MGAT5: variants seen among roughly 807,000 people sequenced by gnomAD.
MGAT5 encodes alpha-1,6-mannosylglycoprotein 6-beta-N-acetylglucosaminyltransferase.
A neutral mutation model predicts 94.3 loss-of-function variants in MGAT5; 30 were observed. The ratio of observed to expected loss-of-function variants is 0.32; its 90% CI spans 0.24 to 0.43. The LOEUF is 0.43. Ranked by LOEUF, MGAT5 falls within the 20% of genes least tolerant of loss-of-function variation. MGAT5 has a pLI of 1.00. For missense variants in MGAT5, 691 were observed against 905.5 expected (o/e 0.76, Z 3.04); for synonymous variants, 310 against 322.9 (o/e 0.96, Z 0.43).
chr2:134,441,467 G>A (rs1054228383), intron 14 of MGAT5, among the ~76,000 whole-genome samples: 13 of 152,332 alleles, frequency 8.5e-5, no homozygotes, highest in South Asian at 2.1e-4. Flanking sequence ...ACGGGCAGGC[G>A]TGGTGCCAAG....
At chr2:134,282,109 A>G (rs888501890) in intron 2 of MGAT5, among the ~76,000 whole-genome samples, 1 of 152,240 alleles carries the variant, frequency 6.6e-6, no homozygotes, top group Non-Finnish European at 1.5e-5. Context: ...GGCCTCTGTC[A>G]GACATGAATG....
intron 1 of MGAT5, among the ~76,000 whole-genome samples, chr2:134,201,996 A>G (rs1679812349): frequency 1.3e-5 from 2 of 151,870 alleles, no homozygotes; most frequent in African/African-American, 4.8e-5. Flanking sequence ...GGTTGATACT[A>G]ATGAAGAGAT....
In MGAT5 at chr2:134,209,152, ATTTTTTT is replaced by A. The variant is rs869116395; in HGVS notation, c.-142-45099_-142-45093del. Among the ~76,000 whole-genome samples the A allele has an allele frequency of 1.9e-4, 4 of 20,780 alleles. 1 individual carries two copies. Among genetic ancestry groups the A allele is most frequent in the Non-Finnish European group, 2.6e-4 (4 of 15,570 alleles). The allele number at this position is 20,780 out of a possible 152,430, so 13.6% of individuals were successfully genotyped here. A position where few individuals can be genotyped will look rare whatever the true frequency, so the allele number is the denominator to read the frequency against. On this transcript the variant is annotated intron_variant, in intron 1 of 16. Transcript: ENST00000409645. Reference sequence around the variant, plus strand: ...TATAGAACTGGCTTATTTTTTTTTTATTTTTTTTTTTTTTTTTATTTTTTTTTTTATT... The same window carrying A: ...TATAGAACTGGCTTATTTTTTTTTTATTTTTTTTTTATTTTTTTTTTTATT...
intron 10 of MGAT5, among the ~76,000 whole-genome samples, chr2:134,381,300 C>T (rs973651794): frequency 2.1e-5 from 3 of 144,212 alleles, no homozygotes; most frequent in African/African-American, 7.6e-5. Context: ...CCACTGCACT[C>T]CAGCCTGGGC....
At chr2:134,417,002 A>G (rs950777979) in intron 12 of MGAT5, among the ~76,000 whole-genome samples, 1 of 151,972 alleles carries the variant, frequency 6.6e-6, no homozygotes, top group Non-Finnish European at 1.5e-5. Context: ...CATTGAATAT[A>G]TATATAAATC....
intron 10 of MGAT5, among the ~76,000 whole-genome samples, chr2:134,382,572 A>G (rs2106210370): frequency 6.6e-6 from 1 of 152,330 alleles, no homozygotes; most frequent in East Asian, 1.9e-4. Flanking sequence ...GATTTGATAC[A>G]GGTAGTGGAG....
intron 1 of MGAT5, among the ~76,000 whole-genome samples, chr2:134,169,415 C>CAT (rs5834401): frequency 1.7e-5 from 1 of 58,208 alleles, no homozygotes; most frequent in African/African-American, 3.9e-5. Flanking sequence ...CACACACAGA[C>CAT]ACACACACAC....
upstream of MGAT5, among the ~76,000 whole-genome samples, chr2:134,253,911 T>C (rs1384032262): frequency 6.6e-6 from 1 of 152,218 alleles, no homozygotes; most frequent in African/African-American, 2.4e-5. Context: ...AAGGGCCTGA[T>C]GGTGATATGA....
At chr2:134,251,898 C>T (rs994330488), upstream of MGAT5, among the ~76,000 whole-genome samples, 1 of 152,188 alleles carries the variant, frequency 6.6e-6, no homozygotes, top group African/African-American at 2.4e-5. Flanking sequence ...CCTCATCCCC[C>T]TCTCTCCTCC....
chr2:134,404,567 C>G (rs559750470), intron 11 of MGAT5, among the ~76,000 whole-genome samples: 1 of 152,218 alleles, frequency 6.6e-6, no homozygotes, highest in East Asian at 1.9e-4. Flanking sequence ...GATGTACTAT[C>G]GTCATAAACA....
chr2:134,377,600 C>G (rs901169770), intron 10 of MGAT5, among the ~76,000 whole-genome samples: 22 of 152,162 alleles, frequency 1.4e-4, no homozygotes, highest in African/African-American at 2.4e-5. Flanking sequence ...CCTTTACCTT[C>G]CGGTTTCTTT....
At chr2:134,335,037 A>G (rs572390633) in intron 4 of MGAT5, among the ~76,000 whole-genome samples, 2 of 152,300 alleles carry the variant, frequency 1.3e-5, no homozygotes, top group Admixed American at 6.5e-5. Context: ...CTTTGGGATC[A>G]TCTGCAGTGG....
intron 10 of MGAT5, among the ~76,000 whole-genome samples, chr2:134,401,564 C>T (rs1683054780): frequency 6.6e-6 from 1 of 152,198 alleles, no homozygotes; most frequent in African/African-American, 2.4e-5. Flanking sequence ...TTACCAGATA[C>T]ATCTAGCACA....
At chr2:134,233,402 G>T (rs1681468867) in intron 1 of MGAT5, among the ~76,000 whole-genome samples, 1 of 152,152 alleles carries the variant, frequency 6.6e-6, no homozygotes, top group Admixed American at 6.5e-5. Flanking sequence ...AGTCTGCTTT[G>T]CTTCCTCATC....
chr2:134,355,090 AGCCT>A (rs1482098874), intron 9 of MGAT5, among the ~76,000 whole-genome samples: 4 of 152,188 alleles, frequency 2.6e-5, no homozygotes, highest in Non-Finnish European at 4.4e-5. Flanking sequence ...CTCACCAAAC[AGCCT>A]GCTGGTCCCT....
At position 134,203,353 on chromosome 2, in the gene MGAT5, A is replaced by G. The variant is rs552463374; in HGVS notation, c.-142-50909A>G. On this transcript the variant is annotated intron_variant, in intron 1 of 16. Transcript: ENST00000409645. ...AATCTGCATTTTTAATGAGCACCCC[A>G]GGTTATCCCAGTGCAGTTAGTGGGT... Among the ~76,000 whole-genome samples the G allele has an allele frequency of 1.7e-4, 26 of 152,312 alleles. 1 individual carries two copies. Among genetic ancestry groups the G allele is most frequent in the African/African-American group, 6.0e-4 (25 of 41,576 alleles).
intron 1 of MGAT5, among the ~76,000 whole-genome samples, chr2:134,121,006 G>A (rs1187348686): frequency 6.6e-6 from 1 of 152,020 alleles, no homozygotes; most frequent in African/African-American, 2.4e-5. Context: ...CTCCCCGAGA[G>A]CATGCTCAGT....
intron 2 of MGAT5, among the ~76,000 whole-genome samples, chr2:134,280,993 A>G (rs948694242): frequency 6.6e-6 from 1 of 152,236 alleles, no homozygotes; most frequent in Admixed American, 6.5e-5. Flanking sequence ...AGGGCTGTCC[A>G]GAAGCTACTT....
rs1250724820 is a variant in MGAT5 at position 134,139,515 on chromosome 2, CTG to C, written c.-143+19227_-143+19228del. Among the ~76,000 whole-genome samples, 3 of 152,302 alleles carry C rather than the reference CTG, an allele frequency of 2.0e-5. No homozygotes were observed. The East Asian group carries it at 5.8e-4, about 29-fold the overall frequency. On this transcript the variant is annotated intron_variant, in intron 1 of 16. Coordinates refer to the MGAT5 transcript ENST00000409645. ...GGGCTTGTGACAAGCCTTTGTACCT[CTG>C]TGAGCTTCAGACACAGGCATGCAAA...
Sources: gnomAD v4.1 joint callset for allele counts (sites outside exome capture counted in the v4.1 genomes callset) on GRCh38, gnomAD v4.1.1 for gene constraint, MANE v1.5 for transcripts, NCBI Gene and HGNC (gene_info 2026-07-23, HGNC 2026-07-21) for gene names.